The following BYSL variants were observed in gnomAD, a reference collection of about 807,000 sequenced individuals.
BYSL encodes the protein bystin like.
In BYSL, 21 loss-of-function variants were observed where a neutral mutation model predicts 45.4. That is an observed-to-expected ratio of 0.46 (90% CI 0.33 to 0.67). The LOEUF is 0.67. BYSL is among the 30% of genes least tolerant of loss of function. BYSL has a pLI of 0.02. For synonymous variants in BYSL, 215 were observed against 231.3 expected (o/e 0.93, Z 0.64); for missense variants, 522 against 578.5 (o/e 0.90, Z 1.00).
intron 1 of BYSL, among the ~76,000 whole-genome samples, chr6:41,922,975 C>G (rs1775509980): frequency 6.6e-6 from 1 of 152,160 alleles, no homozygotes; most frequent in South Asian, 2.1e-4. Context: ...CTCCCCACAT[C>G]TGATCTGTAA....
intron 1 of BYSL, among the ~76,000 whole-genome samples, chr6:41,926,560 C>T (rs949189145): frequency 3.3e-5 from 5 of 151,798 alleles, no homozygotes; most frequent in Non-Finnish European, 7.4e-5. Flanking sequence ...AAGTGATTCT[C>T]CTGCCTCAGC....
At chr6:41,921,440 A>C, upstream of BYSL, 3 of 1,375,596 alleles carry the variant, frequency 2.2e-6, no homozygotes, top group Non-Finnish European at 2.9e-6. Context: ...CTGGCCTCCG[A>C]ATGCTAGGGG....
rs772106781 is a variant in BYSL, at chr6:41,930,718, C to T, written c.654C>T (p.Tyr218=). ...PALSNWEQIL[Y]VTEPEAWTAA... ...TCTCCAACTGGGAGCAAATCCTCTACGTCACAGAGCCGGAGGCCTGGACTG... is the reference window on the plus strand; with the variant it reads ...TCTCCAACTGGGAGCAAATCCTCTATGTCACAGAGCCGGAGGCCTGGACTG... Residue 218 remains tyrosine, a synonymous_variant, in exon 4 of 7, where the codon TAC becomes TAT. Coordinates refer to ENST00000230340, the MANE Select transcript of BYSL (RefSeq NM_004053.4). The T allele has an allele frequency of 2.4e-5, 38 of 1,613,958 alleles. No individual in the cohort carries two copies. The highest frequency in any genetic ancestry group is 1.6e-4 in the Middle Eastern group (1 of 6,080).
chr6:41,925,744 G>C (rs1338214231), intron 1 of BYSL, among the ~76,000 whole-genome samples: 2 of 151,916 alleles, frequency 1.3e-5, no homozygotes, highest in Admixed American at 6.6e-5. Flanking sequence ...GCAGTGGCGC[G>C]ATCTCGGCTC....
chr6:41,932,225 A>G lies in BYSL; in HGVS notation c.969-136A>G. The G allele has an allele frequency of 1.2e-6, 1 of 825,822 alleles. No homozygotes were observed. The highest frequency in any genetic ancestry group is 1.9e-6 in the Non-Finnish European group (1 of 513,864). 51.2% of individuals were successfully genotyped at this position (825,822 alleles called of 1,614,324 possible). On this transcript the variant is annotated intron_variant, in intron 6 of 6. Coordinates refer to ENST00000230340, the MANE Select transcript of BYSL (RefSeq NM_004053.4). This position sits in a 1 kb window ranked among gnomAD's most constrained non-coding sequence, Gnocchi z 4.7. ...GGAGTATAATATGATTGTGTAGGTGAGAAGGTCCCTGGGGAATACCATAGT... is the reference window on the plus strand; with the variant it reads ...GGAGTATAATATGATTGTGTAGGTGGGAAGGTCCCTGGGGAATACCATAGT...
At chr6:41,911,258 C>T in the BYSL span, among the ~76,000 whole-genome samples, 2 of 151,126 alleles carry the variant, frequency 1.3e-5, no homozygotes, top group Non-Finnish European at 2.9e-5. Context: ...TCAAGTGATT[C>T]TCTTGCCTCA....
In BYSL at chr6:41,921,789, G is replaced by A; in HGVS notation, c.227G>A (p.Gly76Glu). The A allele has an allele frequency of 5.6e-6, 9 of 1,613,006 alleles. No individual in the cohort carries two copies. The highest frequency in any genetic ancestry group is 5.9e-6 in the Non-Finnish European group (7 of 1,179,758). The stretch of plus-strand genomic sequence containing the variant: ...GAACTCGAGGCCGAGCATGGGACTG[G>A]GGACAAGCCCGCGGCGCCGCGGGAA... ...QEELEAEHGT[G>E]DKPAAPRERT... The change falls in exon 1 of 7, where the codon GGG (glycine) becomes GAG (glutamate). Residue 76 changes from glycine (G) to glutamate (E), a missense_variant. Gly to Glu is a moderately conservative substitution (Grantham distance 98). Transcript: ENST00000230340.
intron 1 of BYSL, among the ~76,000 whole-genome samples, chr6:41,923,728 C>CT (rs1429311949): frequency 2.0e-5 from 3 of 152,134 alleles, no homozygotes; most frequent in Non-Finnish European, 2.9e-5. Flanking sequence ...AGCTACTGCA[C>CT]CCTGCCGTGT....
chr6:41,914,488 G>A, the BYSL span, among the ~76,000 whole-genome samples: 2 of 152,196 alleles, frequency 1.3e-5, no homozygotes, highest in Non-Finnish European at 2.9e-5. Context: ...CAGGTACACA[G>A]TTAGAATGTG....
chr6:41,917,132 T>TG (rs1775335190), upstream of BYSL, among the ~76,000 whole-genome samples: 1 of 152,208 alleles, frequency 6.6e-6, no homozygotes, highest in African/African-American at 2.4e-5. Context: ...CCAGGCGTGG[T>TG]GGCTCATGCC....
chr6:41,928,450 G>A (rs567623580), intron 2 of BYSL, among the ~76,000 whole-genome samples: 2 of 152,320 alleles, frequency 1.3e-5, no homozygotes, highest in South Asian at 2.1e-4. Flanking sequence ...TGAAATATAT[G>A]TCATAAAGTA....
At chr6:41,911,055 G>A in the BYSL span, among the ~76,000 whole-genome samples, 1 of 150,542 alleles carries the variant, frequency 6.6e-6, no homozygotes, top group Non-Finnish European at 1.5e-5. Flanking sequence ...GTTGCAGTGA[G>A]CCGAGATCGT....
chr6:41,918,606 G>A (rs1210430772), upstream of BYSL, among the ~76,000 whole-genome samples: 9 of 151,846 alleles, frequency 5.9e-5, no homozygotes, highest in Admixed American at 5.9e-4. Flanking sequence ...GAGGTCAGGA[G>A]ATCAAGACCA....
At chr6:41,930,505 G>A in intron 3 of BYSL, 130 bp from the exon 4 acceptor site, 1 of 1,312,734 alleles carries the variant, frequency 7.6e-7, no homozygotes, top group Non-Finnish European at 1.0e-6. Context: ...GCATAATAAT[G>A]GCACCTCCTT....
chr6:41,913,091 CAG>C, the BYSL span: 1 of 140,760 alleles, frequency 7.1e-6, no homozygotes, highest in East Asian at 2.0e-4. Context: ...GCCTGGGTGA[CAG>C]AGAGACCCTG....
the BYSL span, among the ~76,000 whole-genome samples, chr6:41,911,109 A>C: frequency 6.6e-6 from 1 of 150,872 alleles, no homozygotes; most frequent in South Asian, 2.1e-4. Context: ...TCCATCTCAA[A>C]AAAAAAAAAA....
At position 41,921,739 on chromosome 6, in the gene BYSL, G is replaced by T; in HGVS notation, c.177G>T (p.Leu59Phe). The change falls in exon 1 of 7, where the codon TTG becomes TTT. Residue 59 changes from leucine (L) to phenylalanine (F), a missense_variant. Coordinates refer to ENST00000230340, the MANE Select transcript of BYSL (RefSeq NM_004053.4). ...YVGPRLSRRI[L>F]QQARQQQEEL... is the part of the protein sequence containing the mutation. ...GGCCCCGGCTGAGCCGACGGATTTT[G>T]CAGCAAGCACGGCAGCAACAGGAGG... The T allele has an allele frequency of 6.2e-7, 1 of 1,613,654 alleles. No homozygotes were observed. The highest frequency in any genetic ancestry group is 8.5e-7 in the Non-Finnish European group (1 of 1,179,906).
chr6:41,910,929 T>TGTCTACTA, the BYSL span, among the ~76,000 whole-genome samples: 17 of 151,472 alleles, frequency 1.1e-4, no homozygotes, highest in Non-Finnish European at 2.5e-4. Flanking sequence ...GCCAACATGG[T>TGTCTACTA]AAAACCTCGT....
At chr6:41,926,701 G>A (rs886995851) in intron 1 of BYSL, among the ~76,000 whole-genome samples, 44 of 150,394 alleles carry the variant, frequency 2.9e-4, no homozygotes, top group Middle Eastern at 3.5e-3. Flanking sequence ...TGCCCGCCTC[G>A]GCCTCCCAAA....
Sources: allele counts gnomAD v4.1 joint callset (sites outside exome capture counted in the v4.1 genomes callset), GRCh38; gene constraint gnomAD v4.1.1; non-coding constraint Gnocchi (gnomAD v3.1); transcripts MANE v1.5; gene names NCBI Gene and HGNC (gene_info 2026-07-23, HGNC 2026-07-21).